Variants in IGSF1 observed in about 807,000 individuals in gnomAD.
The protein encoded by IGSF1 is immunoglobulin superfamily member 1.
In IGSF1, 40 loss-of-function variants were observed where a neutral mutation model predicts 95.3. The observed-to-expected ratio is 0.42, with a 90% CI of 0.33 to 0.55. IGSF1 has a LOEUF of 0.55. IGSF1 is among the 20% of genes least tolerant of loss of function. The pLI is 0.10. For missense variants in IGSF1, 906 were observed against 1,025.4 expected (o/e 0.88, Z 1.59); for synonymous variants, 372 against 382.9 (o/e 0.97, Z 0.33).
At position 131,286,082 on chromosome X, in the gene IGSF1, G is replaced by A. The variant is rs773193884; in HGVS notation, c.98-34C>T. The A allele has an allele frequency of 4.5e-6, 5 of 1,110,814 alleles. No individual in the cohort carries two copies. In the African/African-American group the frequency reaches 9.1e-5, roughly 20 times the overall value. The allele number at this position is 1,110,814 out of a possible 1,213,427, so 91.5% of individuals were successfully genotyped here. A position where few individuals can be genotyped will look rare whatever the true frequency, so the allele number is the denominator to read the frequency against. On this transcript the variant is annotated intron_variant, in intron 3 of 19. Coordinates refer to ENST00000361420, the MANE Select transcript of IGSF1 (RefSeq NM_001555.5). The stretch of plus-strand genomic sequence containing the variant: ...CCCAAAGATCAAAAAGATATGAGCA[G>A]TCCAACCCTCTCCCTCCCATAACAT...
chrX:131,282,066 G>T (rs2080570239), intron 7 of IGSF1, 122 bp from the exon 8 acceptor site: 1 of 639,857 alleles, frequency 1.6e-6, no homozygotes, highest in Non-Finnish European at 2.3e-6. Context: ...TTGGCCAGTG[G>T]CTTCAAGATT....
chrX:131,281,731 C>G lies in IGSF1; in HGVS notation c.1460G>C (p.Arg487Pro). 8.3e-7 allele frequency: 1 copy of G among 1,210,639 alleles called. No individual in the cohort carries two copies. Residue 487 changes from arginine to proline, a missense_variant, in exon 8 of 20, where the codon CGC becomes CCC. This residue lies in a region of IGSF1 where 442 missense variants were observed against 448.1 expected (regional missense o/e 0.99). Transcript: ENST00000361420. ...KGTGTYSCSY[R>P]VETHPNIWSH... ...CCAGATGTTAGGATGTGTCTCTACGCGATAGCTGCAACTGTAGGTCCCTGT... is the reference window on the plus strand; with the variant it reads ...CCAGATGTTAGGATGTGTCTCTACGGGATAGCTGCAACTGTAGGTCCCTGT...
chrX:131,274,198 C>T lies in IGSF1; in HGVS notation c.3760G>A (p.Ala1254Thr), dbSNP rs767189919. Residue 1254 changes from alanine (A) to threonine (T), a missense_variant, in exon 19 of 20, where the codon GCT becomes ACT. Ala to Thr is a moderately conservative substitution (Grantham distance 58, BLOSUM62 0). Transcript: ENST00000361420. ...ATGTTCCCTACAGTGCACTCCTGAG[C>T]AACAGGCCCTGTGGTGATGAAAGAG... ...LELVGAAGPV[A>T]QECTVGNIVR... 1.1e-4 allele frequency: 139 copies of T among 1,209,413 alleles called. No individual in the cohort carries two copies. In the Admixed American group the frequency reaches 1.6e-3, roughly 13 times the overall value.
intron 8 of IGSF1, 112 bp downstream of exon 8, chrX:131,281,554 C>G (rs961586009): frequency 1.0e-6 from 1 of 963,587 alleles, no homozygotes; most frequent in Non-Finnish European, 1.4e-6. Flanking sequence ...GGTGCTGAAA[C>G]CCAAGGGCTC....
chrX:131,280,574 C>G (rs957559363), intron 9 of IGSF1, among the ~76,000 whole-genome samples: 3 of 111,940 alleles, frequency 2.7e-5, no homozygotes, highest in African/African-American at 9.8e-5. Flanking sequence ...TGGCCCAGAG[C>G]ACACCACAGA....
In IGSF1 at chrX:131,282,683, C is replaced by T. The variant is rs767952076; in HGVS notation, c.1007G>A (p.Gly336Asp). Residue 336 changes from glycine to aspartate, a missense_variant, in exon 7 of 20, where the codon GGT (glycine) becomes GAT (aspartate). Coordinates refer to ENST00000361420, the MANE Select transcript of IGSF1 (RefSeq NM_001555.5). ...TCGACACCGTAGGCTCACATTCTGA[C>T]CCATTTGGACCACAGCACTGGGCCG... ...LARPSAVVQM[G>D]QNVSLRCRGP... The T allele has an allele frequency of 1.7e-5, 21 of 1,210,534 alleles. 2 individuals carry two copies. In the South Asian group the frequency reaches 3.7e-4, roughly 21 times the overall value.
intron 1 of IGSF1, among the ~76,000 whole-genome samples, chrX:131,288,580 G>A (rs750228757): frequency 2.7e-5 from 3 of 111,694 alleles, no homozygotes; most frequent in African/African-American, 6.5e-5. Flanking sequence ...CCTACTGGGG[G>A]ATTGAGGGGA....
At chrX:131,280,188 A>T (rs1282252687) in intron 9 of IGSF1, among the ~76,000 whole-genome samples, 1 of 109,691 alleles carries the variant, frequency 9.1e-6, no homozygotes, top group Non-Finnish European at 1.9e-5. Context: ...GATTACTCTA[A>T]TGAGTACGGG....
intron 13 of IGSF1, 190 bp downstream of exon 13, chrX:131,277,666 A>T: frequency 1.6e-5 from 7 of 441,305 alleles, no homozygotes; most frequent in Non-Finnish European, 2.3e-5. Flanking sequence ...ATTAATAACG[A>T]TTATGGCTAT....
intron 5 of IGSF1, chrX:131,284,849 C>T (rs893833521): frequency 1.4e-5 from 12 of 865,755 alleles, no homozygotes; most frequent in Non-Finnish European, 1.6e-5. Flanking sequence ...CAGTGCCTGG[C>T]ACATATTAGG....
At chrX:131,283,984 G>A (rs2080598140) in intron 5 of IGSF1, among the ~76,000 whole-genome samples, 1 of 111,991 alleles carries the variant, frequency 8.9e-6, no homozygotes, top group Non-Finnish European at 1.9e-5. Flanking sequence ...AGAAGACACA[G>A]TCTCCGCTAG....
chrX:131,286,118 G>C, intron 3 of IGSF1, 70 bp from the exon 4 acceptor site: 1 of 1,000,426 alleles, frequency 1.0e-6, no homozygotes, highest in Non-Finnish European at 1.4e-6. Flanking sequence ...GTCCCACAAT[G>C]TCCCTTAAAA....
chrX:131,284,295 ACAGAGAGAAGCATTACACAGTAGAT>A (rs2080602916), intron 5 of IGSF1: 2 of 164,248 alleles, frequency 1.2e-5, no homozygotes, highest in South Asian at 5.6e-4. Flanking sequence ...AAGCTGAGGC[ACAGAGAGAAGCATTACACAGTAGAT>A]CAGATAGATA....
chrX:131,284,175 A>G (rs768874630), intron 5 of IGSF1: 2 of 532,134 alleles, frequency 3.8e-6, no homozygotes, highest in Non-Finnish European at 4.6e-6. Context: ...ATTAATATCT[A>G]CCATTTATTG....
chrX:131,283,304 T>C, intron 5 of IGSF1, 40 bp from the exon 6 acceptor site: 2 of 1,063,556 alleles, frequency 1.9e-6, no homozygotes, highest in Non-Finnish European at 2.6e-6. Flanking sequence ...GGCAAGATGA[T>C]TCTTTCCTGT....
chrX:131,281,028 C>T (rs1039924116), intron 9 of IGSF1, 190 bp downstream of exon 9: 1 of 435,902 alleles, frequency 2.3e-6, no homozygotes, highest in Non-Finnish European at 4.1e-6. Flanking sequence ...TGCATTTCTC[C>T]ACCCGCTGGC....
chrX:131,274,811 G>T lies in IGSF1; in HGVS notation c.3539C>A (p.Thr1180Asn), dbSNP rs200127298. 3 of 1,209,471 alleles carry T rather than the reference G, an allele frequency of 2.5e-6. No individual in the cohort carries two copies. Among genetic ancestry groups the T allele is most frequent in the Non-Finnish European group, 3.4e-6 (3 of 894,568 alleles). ...TGGCAGGGGTCCTCGGCACTGAAGG[G>T]TGATGTCCTTCCCTAACTTGAACAT... ...STMFKLGKDITLQCRGPLPGV... is the reference protein window; with the variant it reads ...STMFKLGKDINLQCRGPLPGV... Residue 1180 changes from threonine (T) to asparagine (N), a missense_variant, in exon 18 of 20, where the codon ACC becomes AAC. This residue lies in a region of IGSF1 where 411 missense variants were observed against 494.9 expected (regional missense o/e 0.83). Coordinates refer to ENST00000361420, the MANE Select transcript of IGSF1 (RefSeq NM_001555.5).
chrX:131,282,798 G>A (rs2080581505), intron 6 of IGSF1, 61 bp from the exon 7 acceptor site: 1 of 1,072,132 alleles, frequency 9.3e-7, no homozygotes, highest in Non-Finnish European at 1.3e-6. Context: ...CACTCCTTAA[G>A]ATTCTTTTCC....
At chrX:131,277,785 A>C in intron 13 of IGSF1, 71 bp downstream of exon 13, 3 of 1,074,497 alleles carry the variant, frequency 2.8e-6, no homozygotes, top group Non-Finnish European at 3.8e-6. Context: ...CAGGGAGAGG[A>C]GTGTCTGACC....
Sources: allele counts gnomAD v4.1 joint callset (sites outside exome capture counted in the v4.1 genomes callset), GRCh38; gene constraint gnomAD v4.1.1; regional missense constraint gnomAD v4.1.1; transcripts MANE v1.5; gene names NCBI Gene and HGNC (gene_info 2026-07-23, HGNC 2026-07-21).